RAB27B: variants seen among roughly 807,000 people sequenced by gnomAD.
RAB27B encodes RAB27B, member RAS oncogene family.
RAB27B carries 15 observed loss-of-function variants against 24.6 expected under a neutral mutation model. The observed-to-expected ratio is 0.61, with a 90% confidence interval of 0.41 to 0.94. RAB27B has a LOEUF of 0.94. Among genes scored for constraint, RAB27B ranks in the 40% least tolerant of loss-of-function variants. The pLI, the probability that RAB27B is intolerant of heterozygous loss-of-function variation, is 0.00. For missense variants in RAB27B, 261 were observed against 266.8 expected (o/e 0.98, Z 0.15); for synonymous variants, 105 against 92.5 (o/e 1.14, Z -0.78).
chr18:54,812,667 T>C (rs1462375940), intron 2 of RAB27B, among the ~76,000 whole-genome samples: 1 of 152,032 alleles, frequency 6.6e-6, no homozygotes, highest in African/African-American at 2.4e-5. Flanking sequence ...ACAATTGCTT[T>C]CAAATTTTGA....
chr18:54,842,574 T>A (rs1911158993), intron 1 of RAB27B, among the ~76,000 whole-genome samples: 1 of 152,192 alleles, frequency 6.6e-6, no homozygotes, highest in South Asian at 2.1e-4. Context: ...TATATATTAA[T>A]AGGATAGGTA....
At chr18:54,838,298 C>T (rs1910973769) in intron 1 of RAB27B, among the ~76,000 whole-genome samples, 1 of 152,138 alleles carries the variant, frequency 6.6e-6, no homozygotes, top group African/African-American at 2.4e-5. Flanking sequence ...ACTTGAAAAA[C>T]ATGTCAAATG....
intron 2 of RAB27B, among the ~76,000 whole-genome samples, chr18:54,777,790 C>T (rs1412290195): frequency 6.6e-6 from 1 of 152,098 alleles, no homozygotes; most frequent in Non-Finnish European, 1.5e-5. Flanking sequence ...AAACAAGTTT[C>T]TTCATGAATT....
In RAB27B at chr18:54,841,166, G is replaced by C. The variant is rs1406584223; in HGVS notation, c.-20+12466G>C. Among the ~76,000 whole-genome samples the C allele has an allele frequency of 3.2e-4, 37 of 114,098 alleles. 3 individuals carry two copies. The highest frequency in any genetic ancestry group is 1.0e-3 in the African/African-American group (35 of 34,640). 74.9% of individuals were successfully genotyped at this position (114,098 alleles called of 152,430 possible). On this transcript the variant is annotated intron_variant, in intron 1 of 5. Transcript: ENST00000262094. The stretch of plus-strand genomic sequence containing the variant: ...TGTCTTTGGGTGGCGGGGCGGTGGG[G>C]GGTTTGGTGAGAGGGGCGGGAAAAA...
At chr18:54,842,643 A>G (rs896865274) in intron 1 of RAB27B, among the ~76,000 whole-genome samples, 1 of 152,222 alleles carries the variant, frequency 6.6e-6, no homozygotes, top group African/African-American at 2.4e-5. Context: ...ATAAATTTTA[A>G]GACACATCTT....
chr18:54,807,259 G>A (rs1909820989), intron 2 of RAB27B, among the ~76,000 whole-genome samples: 1 of 152,138 alleles, frequency 6.6e-6, no homozygotes, highest in Non-Finnish European at 1.5e-5. Flanking sequence ...CTAGCCTTTA[G>A]TTTTAATTTC....
At chr18:54,730,276 T>C (rs1909687621) in intron 2 of RAB27B, among the ~76,000 whole-genome samples, 1 of 152,140 alleles carries the variant, frequency 6.6e-6, no homozygotes, top group Non-Finnish European at 1.5e-5. Flanking sequence ...CTTATAACTA[T>C]GTTCAAGTGT....
rs1912836125 is a variant in RAB27B at position 54,879,461 on chromosome 18, G to A, written c.239+7G>A. The A allele has an allele frequency of 1.2e-6, 2 of 1,604,132 alleles. No homozygotes were observed. Among genetic ancestry groups the A allele is most frequent in the Non-Finnish European group, 1.7e-6 (2 of 1,171,016 alleles). ...ACACTGCGGGACAAGAGCGGTAATA[G>A]TAAATTGCTTTATTTGTGGCTACAC... On this transcript the variant is annotated splice_region_variant and intron_variant, in intron 3 of 5. Transcript: ENST00000262094.
Position 54,889,337 on chromosome 18 carries a change from TC to T in RAB27B, c.584del (p.Pro195LeufsTer52). The T allele has an allele frequency of 6.2e-7, 1 of 1,613,338 alleles. No homozygotes were observed. Among genetic ancestry groups the T allele is most frequent in the Non-Finnish European group, 8.5e-7 (1 of 1,179,504 alleles). On this transcript the variant is annotated frameshift_variant, in exon 6 of 6. Transcript: ENST00000262094. LOFTEE classifies it high-confidence loss of function. ...RMEQCVEKTQ[I>X]PDTVNGGNSG... is the part of the protein sequence containing the mutation. ...GAACAGTGTGTGGAGAAGACACAAA[TC>T]CCTGATACTGTCAATGGTGGAAATT...
At chr18:54,835,434 C>G (rs1481084813) in intron 1 of RAB27B, among the ~76,000 whole-genome samples, 2 of 151,942 alleles carry the variant, frequency 1.3e-5, no homozygotes, top group Admixed American at 1.3e-4. Flanking sequence ...CTATATCTAT[C>G]CCTTTCTCAC....
At chr18:54,760,165 A>G (rs1439780783) in intron 2 of RAB27B, among the ~76,000 whole-genome samples, 1 of 152,202 alleles carries the variant, frequency 6.6e-6, no homozygotes, top group Non-Finnish European at 1.5e-5. Flanking sequence ...GCCGGTGACC[A>G]GAAGCACTCA....
intron 2 of RAB27B, among the ~76,000 whole-genome samples, chr18:54,802,548 T>G (rs1909644675): frequency 6.6e-6 from 1 of 152,248 alleles, no homozygotes; most frequent in South Asian, 2.1e-4. Flanking sequence ...AAATCATCTC[T>G]ATTCCCTCCT....
chr18:54,805,080 T>A (rs1243485229), intron 2 of RAB27B, among the ~76,000 whole-genome samples: 1 of 151,594 alleles, frequency 6.6e-6, no homozygotes, highest in Non-Finnish European at 1.5e-5. Flanking sequence ...TTTCTGGAGG[T>A]CTCCTTAATC....
intron 2 of RAB27B, among the ~76,000 whole-genome samples, chr18:54,784,294 T>A (rs115461937): frequency 0.031 from 4,709 of 152,320 alleles, 87 homozygotes; most frequent in Middle Eastern, 0.095. Context: ...TTTCTTTTTT[T>A]AAACATTGTA....
At chr18:54,745,593 C>A in intron 2 of RAB27B, 1 of 155,378 alleles carries the variant, frequency 6.4e-6, no homozygotes, top group South Asian at 1.8e-4. Flanking sequence ...TTAAGCTGTT[C>A]TTCCACAGAC....
intron 2 of RAB27B, among the ~76,000 whole-genome samples, chr18:54,759,951 A>AATTTGTTCCT (rs1223493392): frequency 6.6e-6 from 1 of 152,298 alleles, no homozygotes; most frequent in African/African-American, 2.4e-5. Context: ...TACCATCTTC[A>AATTTGTTCCT]ATTTGTTCCT....
chr18:54,767,683 G>T (rs899055933), intron 2 of RAB27B, among the ~76,000 whole-genome samples: 8 of 152,036 alleles, frequency 5.3e-5, no homozygotes, highest in Non-Finnish European at 1.0e-4. Flanking sequence ...ATTCCATGTG[G>T]TCTGTCCACA....
chr18:54,867,142 A>G (rs1188804276), intron 1 of RAB27B, among the ~76,000 whole-genome samples: 3 of 152,196 alleles, frequency 2.0e-5, no homozygotes, highest in Non-Finnish European at 2.9e-5. Flanking sequence ...TTAAAAACTT[A>G]TTTTAACCAA....
intron 1 of RAB27B, among the ~76,000 whole-genome samples, chr18:54,872,582 G>A (rs1012198562): frequency 1.1e-4 from 16 of 149,922 alleles, no homozygotes; most frequent in Admixed American, 8.0e-4. Context: ...CTGAGATGGC[G>A]CCATTGCACT....
Sources: gnomAD v4.1 joint callset for allele counts (sites outside exome capture counted in the v4.1 genomes callset) on GRCh38, gnomAD v4.1.1 for gene constraint, MANE v1.5 for transcripts, NCBI Gene and HGNC (gene_info 2026-07-23, HGNC 2026-07-21) for gene names.